HS3ST2: variants seen among roughly 807,000 people sequenced by gnomAD.
The protein encoded by HS3ST2 is heparan sulfate-glucosamine 3-sulfotransferase 2.
In HS3ST2, 17 loss-of-function variants were observed where a neutral mutation model predicts 26.3. That is an observed-to-expected ratio of 0.65 (90% CI 0.44 to 0.97). The LOEUF (loss-of-function observed/expected upper bound fraction) is 0.97, where lower values mean the gene tolerates loss of function less well. HS3ST2 is among the 50% of genes least tolerant of loss of function. The pLI, the probability that HS3ST2 is intolerant of heterozygous loss-of-function variation, is 0.00. For missense variants in HS3ST2, 402 were observed against 501.2 expected, an observed-to-expected ratio of 0.80 and a Z score of 1.89; for synonymous variants, 237 against 219.2, an observed-to-expected ratio of 1.08 and a Z score of -0.72.
At chr16:22,883,176 TC>T (rs1902014723) in intron 1 of HS3ST2, among the ~76,000 whole-genome samples, 1 of 152,220 alleles carries the variant, frequency 6.6e-6, no homozygotes, top group South Asian at 2.1e-4. Context: ...CATGAGCCAT[TC>T]TTGCCTCTGA....
chr16:22,913,503 G>A (rs114631268), intron 1 of HS3ST2, among the ~76,000 whole-genome samples: 2,745 of 152,242 alleles, frequency 0.018, 77 homozygotes, highest in African/African-American at 0.062. Context: ...TATTTCAAAT[G>A]TTTTTCAGCA....
At position 22,814,551 on chromosome 16, in the gene HS3ST2, GC is replaced by G; in HGVS notation, c.-59del. On this transcript the variant is annotated 5_prime_UTR_variant, in exon 1 of 2. Coordinates refer to ENST00000261374, the MANE Select transcript of HS3ST2 (RefSeq NM_006043.2). ...CCCTCTAGGCGACCGCAGGGCCACA[GC>G]AGCTCAGCCGCCGGTGCCCCCTCGG... The G allele has an allele frequency of 6.9e-7, 1 of 1,446,136 alleles. No individual in the cohort carries two copies. The highest frequency in any genetic ancestry group is 9.0e-7 in the Non-Finnish European group (1 of 1,108,324). 89.6% of individuals were successfully genotyped at this position (1,446,136 alleles called of 1,614,324 possible).
At chr16:22,884,995 C>T (rs185612848) in intron 1 of HS3ST2, among the ~76,000 whole-genome samples, 1 of 151,902 alleles carries the variant, frequency 6.6e-6, no homozygotes, top group East Asian at 1.9e-4. Flanking sequence ...CACGTGCCAC[C>T]ACGCCCAGCT....
intron 1 of HS3ST2, among the ~76,000 whole-genome samples, chr16:22,834,174 T>A (rs1235345227): frequency 6.6e-6 from 1 of 152,100 alleles, no homozygotes; most frequent in African/African-American, 2.4e-5. Context: ...AATATATTCC[T>A]TGAAAAATTA....
In HS3ST2 at chr16:22,815,127, G is replaced by T. The variant is rs538133971; in HGVS notation, c.485+32G>T. 5 of 1,603,890 alleles carry T rather than the reference G, an allele frequency of 3.1e-6. No homozygotes were observed. In the South Asian group the frequency reaches 4.5e-5, roughly 14 times the overall value. ...ACCAGGAGCTCCGCTCCGTGCGCCG[G>T]GTCTCTGATCGCTTCCATTGGGAGA... On this transcript the variant is annotated intron_variant, in intron 1 of 1. Transcript: ENST00000261374.
intron 1 of HS3ST2, among the ~76,000 whole-genome samples, chr16:22,875,537 C>A (rs1418807618): frequency 1.3e-5 from 2 of 152,150 alleles, no homozygotes; most frequent in Non-Finnish European, 1.5e-5. Context: ...CCCGCCACCA[C>A]ACCTAGCTAA....
intron 1 of HS3ST2, among the ~76,000 whole-genome samples, chr16:22,881,304 C>T (rs1596624349): frequency 2.0e-5 from 3 of 152,168 alleles, no homozygotes; most frequent in Admixed American, 2.0e-4. Flanking sequence ...CACTGCTGAG[C>T]GTTGAGAGGA....
At chr16:22,816,260 A>G (rs1900866332) in intron 1 of HS3ST2, among the ~76,000 whole-genome samples, 1 of 152,214 alleles carries the variant, frequency 6.6e-6, no homozygotes, top group Non-Finnish European at 1.5e-5. Context: ...GGGGAGGGGT[A>G]ACATGGTAGC....
intron 1 of HS3ST2, among the ~76,000 whole-genome samples, chr16:22,909,694 T>C (rs1399048632): frequency 6.6e-6 from 1 of 152,218 alleles, no homozygotes; most frequent in East Asian, 1.9e-4. Flanking sequence ...CTGATTCTTA[T>C]ATCTTCTTTA....
chr16:22,821,803 G>A (rs1006450705), intron 1 of HS3ST2, among the ~76,000 whole-genome samples: 14 of 152,158 alleles, frequency 9.2e-5, no homozygotes, highest in Admixed American at 2.6e-4. Flanking sequence ...AAAGCCACCC[G>A]GGAGGGGAAA....
At chr16:22,888,665 G>A (rs1035182847) in intron 1 of HS3ST2, among the ~76,000 whole-genome samples, 1 of 152,024 alleles carries the variant, frequency 6.6e-6, no homozygotes. Flanking sequence ...GATTACAGGC[G>A]TGTGCCACCG....
chr16:22,845,671 C>T (rs186559599), intron 1 of HS3ST2, among the ~76,000 whole-genome samples: 46 of 152,212 alleles, frequency 3.0e-4, no homozygotes, highest in African/African-American at 1.1e-3. Flanking sequence ...TTTTATCAAT[C>T]ATTTCTATTG....
intron 1 of HS3ST2, among the ~76,000 whole-genome samples, chr16:22,872,337 C>T (rs1901850110): frequency 6.6e-6 from 1 of 152,200 alleles, no homozygotes; most frequent in African/African-American, 2.4e-5. Context: ...TTGTCATTTA[C>T]CCAGAGCTTT....
chr16:22,891,602 A>ATGT (rs1902130680), intron 1 of HS3ST2, among the ~76,000 whole-genome samples: 2 of 152,250 alleles, frequency 1.3e-5, no homozygotes, highest in Non-Finnish European at 2.9e-5. Flanking sequence ...TTAAAAAATC[A>ATGT]ATTTTAAAAT....
At chr16:22,880,618 G>A (rs1901976785) in intron 1 of HS3ST2, among the ~76,000 whole-genome samples, 1 of 152,152 alleles carries the variant, frequency 6.6e-6, no homozygotes, top group African/African-American at 2.4e-5. Flanking sequence ...ATGTGGCCCA[G>A]GCTGAGGAGT....
chr16:22,881,956 A>ATGTT (rs376826160), intron 1 of HS3ST2, among the ~76,000 whole-genome samples: 1,594 of 152,260 alleles, frequency 0.01, 30 homozygotes, highest in African/African-American at 0.037. Flanking sequence ...GGCTCTTATC[A>ATGTT]TGTTTGTTTG....
chr16:22,897,386 A>G (rs1902224713), intron 1 of HS3ST2, among the ~76,000 whole-genome samples: 1 of 152,182 alleles, frequency 6.6e-6, no homozygotes, highest in Non-Finnish European at 1.5e-5. Context: ...TTTGCTGAGT[A>G]AGTACATGCC....
At chr16:22,870,794 C>A (rs1271685091) in intron 1 of HS3ST2, among the ~76,000 whole-genome samples, 3 of 152,158 alleles carry the variant, frequency 2.0e-5, no homozygotes, top group South Asian at 2.1e-4. Flanking sequence ...CCACCCTTTG[C>A]ACAGTCTTAA....
chr16:22,889,660 C>A (rs1000641877), intron 1 of HS3ST2, among the ~76,000 whole-genome samples: 1 of 152,186 alleles, frequency 6.6e-6, no homozygotes, highest in African/African-American at 2.4e-5. Flanking sequence ...GAATTGCTTT[C>A]TCCATTTTAG....
Sources: gnomAD v4.1 joint callset for allele counts (sites outside exome capture counted in the v4.1 genomes callset) on GRCh38, gnomAD v4.1.1 for gene constraint, MANE v1.5 for transcripts, NCBI Gene and HGNC (gene_info 2026-07-23, HGNC 2026-07-21) for gene names.